The following BUD13 variants were observed in gnomAD, a reference collection of about 807,000 sequenced individuals.
BUD13 encodes the protein BUD13 homolog.
A neutral mutation model predicts 62.5 loss-of-function variants in BUD13; 47 were observed. The observed-to-expected ratio is 0.75, with a 90% CI of 0.60 to 0.96. BUD13 has a LOEUF of 0.96. Ranked by LOEUF, BUD13 falls within the 40% of genes least tolerant of loss-of-function variation. The pLI is 0.00. For synonymous variants in BUD13, 293 were observed against 280.1 expected (o/e 1.05, Z -0.46); for missense variants, 821 against 790.9 (o/e 1.04, Z -0.46).
chr11:116,770,517 C>T (rs371927754), intron 1 of BUD13, among the ~76,000 whole-genome samples: 14 of 148,334 alleles, frequency 9.4e-5, no homozygotes, highest in Admixed American at 6.7e-5. Flanking sequence ...TTTTTTGAGA[C>T]GGAGTCTCGC....
chr11:116,751,756 C>T (rs1334204411), intron 9 of BUD13, among the ~76,000 whole-genome samples: 1 of 152,140 alleles, frequency 6.6e-6, no homozygotes, highest in Admixed American at 6.5e-5. Flanking sequence ...AAGAGAGTTA[C>T]ACTAATATGA....
intron 9 of BUD13, among the ~76,000 whole-genome samples, chr11:116,749,338 A>G (rs1940194396): frequency 6.6e-6 from 1 of 152,240 alleles, no homozygotes; most frequent in Non-Finnish European, 1.5e-5. Context: ...ATAAATTAAA[A>G]GAACAGCATA....
chr11:116,748,477 G>A lies in BUD13; in HGVS notation c.*5C>T. Reference sequence around the variant, plus strand: ...AGCCCAGCCACCCCCACAGCCTCAGGAAAGTTACATATCCTCAACACTCCA... The same window carrying A: ...AGCCCAGCCACCCCCACAGCCTCAGAAAAGTTACATATCCTCAACACTCCA... On this transcript the variant is annotated 3_prime_UTR_variant, in exon 10 of 10. Coordinates refer to ENST00000260210, the MANE Select transcript of BUD13 (RefSeq NM_032725.4). 4 of 1,614,096 alleles carry A rather than the reference G, an allele frequency of 2.5e-6. No individual in the cohort carries two copies. The highest frequency in any genetic ancestry group is 3.4e-6 in the Non-Finnish European group (4 of 1,179,948).
intron 4 of BUD13, 143 bp downstream of exon 4, chr11:116,762,410 G>A: frequency 1.5e-6 from 1 of 665,874 alleles, no homozygotes; most frequent in Non-Finnish European, 2.5e-6. Context: ...CACCATAATT[G>A]TTCAACTCTC....
At position 116,762,930 on chromosome 11, in the gene BUD13, T is replaced by C; in HGVS notation, c.659A>G (p.His220Arg). ...SSGASPRRVR[H>R]DSPDPSPPRR... Reference sequence around the variant, plus strand: ...AGGAGGAGAGGGATCTGGTGAATCATGACGGACTCTCCTAGGAGATGCACC... The same window carrying C: ...AGGAGGAGAGGGATCTGGTGAATCACGACGGACTCTCCTAGGAGATGCACC... The change falls in exon 4 of 10, where the codon CAT becomes CGT. Residue 220 changes from histidine (H) to arginine (R), a missense_variant. By Grantham distance (29) the His-to-Arg change is conservative. This residue lies in a region of BUD13 where 800 missense variants were observed against 739.2 expected (regional missense o/e 1.08). Coordinates refer to ENST00000260210, the MANE Select transcript of BUD13 (RefSeq NM_032725.4). 6.2e-7 allele frequency: 1 copy of C among 1,614,058 alleles called. No homozygotes were observed. The highest frequency in any genetic ancestry group is 1.1e-5 in the South Asian group (1 of 91,078).
At chr11:116,770,886 C>T (rs1005362288) in intron 1 of BUD13, among the ~76,000 whole-genome samples, 1 of 152,054 alleles carries the variant, frequency 6.6e-6, no homozygotes, top group Non-Finnish European at 1.5e-5. Flanking sequence ...CTTGACTTCC[C>T]GGGGTTAAGT....
At chr11:116,761,905 T>C (rs1373635643) in intron 4 of BUD13, among the ~76,000 whole-genome samples, 1 of 152,158 alleles carries the variant, frequency 6.6e-6, no homozygotes, top group Non-Finnish European at 1.5e-5. Flanking sequence ...AGGAAACTTA[T>C]ATAGAAGTAG....
At chr11:116,765,677 T>G (rs1940519843) in intron 2 of BUD13, among the ~76,000 whole-genome samples, 1 of 152,246 alleles carries the variant, frequency 6.6e-6, no homozygotes, top group Non-Finnish European at 1.5e-5. Flanking sequence ...TCAATTACCC[T>G]GCAAAGGTTA....
At chr11:116,772,646 G>A (rs1380885429) in intron 1 of BUD13, among the ~76,000 whole-genome samples, 176 bp downstream of exon 1, 1 of 151,546 alleles carries the variant, frequency 6.6e-6, no homozygotes, top group East Asian at 1.9e-4. Flanking sequence ...TAAGCGGGGC[G>A]GCAGAGGCAA....
At chr11:116,759,504 A>C (rs1476704171) in intron 5 of BUD13, among the ~76,000 whole-genome samples, 1 of 152,210 alleles carries the variant, frequency 6.6e-6, no homozygotes, top group African/African-American at 2.4e-5. Context: ...TAAAGCACTA[A>C]GCCTTCCATT....
chr11:116,768,866 T>G (rs940138390), intron 2 of BUD13, among the ~76,000 whole-genome samples: 2 of 151,298 alleles, frequency 1.3e-5, no homozygotes, highest in Non-Finnish European at 2.9e-5. Flanking sequence ...ACACAAAAAA[T>G]TAGCCGGGCG....
At chr11:116,756,115 T>C (rs965822580) in intron 9 of BUD13, among the ~76,000 whole-genome samples, 1 of 151,780 alleles carries the variant, frequency 6.6e-6, no homozygotes, top group Non-Finnish European at 1.5e-5. Context: ...CACTGAAGCA[T>C]GAGAATTGCT....
chr11:116,772,099 A>G (rs1274260997), intron 1 of BUD13, among the ~76,000 whole-genome samples: 1 of 152,150 alleles, frequency 6.6e-6, no homozygotes, highest in Non-Finnish European at 1.5e-5. Flanking sequence ...AAAGGCAAAC[A>G]GTCATCTTGG....
At chr11:116,756,146 T>G (rs570135304) in intron 9 of BUD13, among the ~76,000 whole-genome samples, 1 of 152,102 alleles carries the variant, frequency 6.6e-6, no homozygotes, top group East Asian at 1.9e-4. Context: ...AAGTGGAGAT[T>G]GCACCACTGC....
In BUD13 at chr11:116,763,159, G is replaced by A. The variant is rs116087150; in HGVS notation, c.430C>T (p.Arg144Cys). ...GGAGATGGATCCGGGGTGTCATGACGGTCCTTCCTAGGAGATGGATCTGGG... is the reference window on the plus strand; with the variant it reads ...GGAGATGGATCCGGGGTGTCATGACAGTCCTTCCTAGGAGATGGATCTGGG... ...GTPDPSPRKD[R>C]HDTPDPSPRR... Residue 144 changes from arginine to cysteine, a missense_variant, in exon 4 of 10, where the codon CGT becomes TGT. This residue lies in a region of BUD13 where 800 missense variants were observed against 739.2 expected (regional missense o/e 1.08). Transcript: ENST00000260210. 2.3e-4 allele frequency: 371 copies of A among 1,605,152 alleles called. No homozygotes were observed. In the African/African-American group the frequency reaches 3.9e-3, roughly 17 times the overall value.
intron 6 of BUD13, 41 bp downstream of exon 6, chr11:116,759,033 A>G (rs754999814): frequency 1.4e-6 from 2 of 1,382,000 alleles, no homozygotes; most frequent in Admixed American, 4.1e-5. Flanking sequence ...AAAAAAAAAC[A>G]GTATGAGCCT....
chr11:116,749,526 A>G (rs1287467139), intron 9 of BUD13, among the ~76,000 whole-genome samples: 1 of 152,124 alleles, frequency 6.6e-6, no homozygotes, highest in Non-Finnish European at 1.5e-5. Context: ...GTCATTTCAG[A>G]ACAGAATGAG....
At chr11:116,756,997 G>T in intron 9 of BUD13, 149 bp downstream of exon 9, 1 of 687,012 alleles carries the variant, frequency 1.5e-6, no homozygotes, top group South Asian at 1.9e-5. Context: ...TGAGAAATAG[G>T]ATTTGTGGAC....
chr11:116,757,581 T>C (rs539685919), intron 8 of BUD13, among the ~76,000 whole-genome samples, 185 bp downstream of exon 8: 11 of 152,148 alleles, frequency 7.2e-5, no homozygotes, highest in Non-Finnish European at 1.2e-4. Flanking sequence ...ATTACAAACA[T>C]GAGCCACTGC....
Sources: gnomAD v4.1 joint callset for allele counts (sites outside exome capture counted in the v4.1 genomes callset) on GRCh38, gnomAD v4.1.1 for gene constraint, gnomAD v4.1.1 regional missense constraint, MANE v1.5 for transcripts, NCBI Gene and HGNC (gene_info 2026-07-23, HGNC 2026-07-21) for gene names.